NRXN1: variants seen among roughly 807,000 people sequenced by gnomAD.
The protein encoded by NRXN1 is neurexin-1.
In NRXN1, 39 loss-of-function variants were observed where a neutral mutation model predicts 150.9. That is an observed-to-expected ratio of 0.26 (90% CI 0.20 to 0.34). NRXN1 has a LOEUF of 0.34. Among genes scored for constraint, NRXN1 ranks in the 10% least tolerant of loss-of-function variants. The pLI is 1.00. For synonymous variants in NRXN1, 924 were observed against 757.0 expected, an observed-to-expected ratio of 1.22 and a Z score of -3.62; for missense variants, 1,815 against 1,949.9, an observed-to-expected ratio of 0.93 and a Z score of 1.30.
At chr2:50,059,811 T>C (rs1694227176) in intron 19 of NRXN1, among the ~76,000 whole-genome samples, 1 of 152,158 alleles carries the variant, frequency 6.6e-6, no homozygotes, top group Non-Finnish European at 1.5e-5. Flanking sequence ...TTACATGTAG[T>C]GTTGAGCCCG....
At chr2:50,741,668 A>C (rs1699444483) in intron 5 of NRXN1, among the ~76,000 whole-genome samples, 1 of 152,128 alleles carries the variant, frequency 6.6e-6, no homozygotes, top group Admixed American at 6.6e-5. Flanking sequence ...TTTGTGCCTC[A>C]GTTTATGAGG....
At chr2:50,611,011 G>A (rs369298649) in intron 8 of NRXN1, among the ~76,000 whole-genome samples, 1 of 149,492 alleles carries the variant, frequency 6.7e-6, no homozygotes, top group Non-Finnish European at 1.5e-5. Flanking sequence ...CTCCTGCAGT[G>A]CTGGGACTAC....
chr2:50,109,220 A>T (rs1367256068), intron 18 of NRXN1, among the ~76,000 whole-genome samples: 1 of 152,164 alleles, frequency 6.6e-6, no homozygotes, highest in Non-Finnish European at 1.5e-5. Context: ...AGAGTACTGC[A>T]ATTTTTGTCT....
chr2:50,346,369 A>G lies in NRXN1; in HGVS notation c.3365-109399T>C, dbSNP rs1349168093. ...CGGCGCCCCATCCGGCCACTGAGTGACCTTCTGGCAACTGACGCCCCCTTC... is the reference window on the plus strand; with the variant it reads ...CGGCGCCCCATCCGGCCACTGAGTGGCCTTCTGGCAACTGACGCCCCCTTC... On this transcript the variant is annotated intron_variant, in intron 17 of 22. Transcript: ENST00000401669. This position sits in a 1 kb window ranked among gnomAD's most constrained non-coding sequence, Gnocchi z 5.0. 2.6e-5 allele frequency among the ~76,000 whole-genome samples: 4 copies of G among 151,964 alleles called. No individual in the cohort carries two copies. The highest frequency in any genetic ancestry group is 2.6e-4 in the Admixed American group (4 of 15,276).
At chr2:50,964,512 A>G (rs1336396508) in intron 2 of NRXN1, among the ~76,000 whole-genome samples, 2 of 151,482 alleles carry the variant, frequency 1.3e-5, no homozygotes, top group East Asian at 1.9e-4. Flanking sequence ...AACGTGTCCT[A>G]TTATGAAAAT....
At chr2:50,533,624 T>C (rs761661842) in intron 10 of NRXN1, among the ~76,000 whole-genome samples, 10 of 152,146 alleles carry the variant, frequency 6.6e-5, no homozygotes, top group South Asian at 4.1e-4. Context: ...ACCACTGTAG[T>C]AGCTCCCTCA....
intron 18 of NRXN1, among the ~76,000 whole-genome samples, chr2:50,106,791 T>C (rs954778382): frequency 6.6e-6 from 1 of 151,996 alleles, no homozygotes; most frequent in Admixed American, 6.6e-5. Context: ...GAAAGATTTA[T>C]AAACTTAATC....
At chr2:50,952,097 G>C (rs568925954) in intron 2 of NRXN1, among the ~76,000 whole-genome samples, 2 of 149,702 alleles carry the variant, frequency 1.3e-5, no homozygotes, top group African/African-American at 4.9e-5. Context: ...CTCCCAAGTA[G>C]CTGGGACTAT....
chr2:49,991,687 A>G (rs765766138), intron 21 of NRXN1, among the ~76,000 whole-genome samples: 1 of 152,220 alleles, frequency 6.6e-6, no homozygotes, highest in Non-Finnish European at 1.5e-5. Flanking sequence ...TATAGCTTCA[A>G]TGCAATCCCA....
intron 18 of NRXN1, among the ~76,000 whole-genome samples, chr2:50,234,696 G>A (rs912575656): frequency 6.6e-6 from 1 of 152,012 alleles, no homozygotes; most frequent in Non-Finnish European, 1.5e-5. Context: ...GAGAAGCCCA[G>A]GAGGACACGG....
At chr2:50,084,653 C>T (rs890353013) in intron 19 of NRXN1, among the ~76,000 whole-genome samples, 3 of 152,168 alleles carry the variant, frequency 2.0e-5, no homozygotes, top group Non-Finnish European at 4.4e-5. Context: ...GAAGGGGCTC[C>T]CACAGTGCAG....
At chr2:49,992,052 A>G (rs917317918) in intron 21 of NRXN1, among the ~76,000 whole-genome samples, 8 of 152,314 alleles carry the variant, frequency 5.3e-5, no homozygotes, top group African/African-American at 1.9e-4. Context: ...TAATTTAGAG[A>G]CAGACAATTG....
intron 5 of NRXN1, among the ~76,000 whole-genome samples, chr2:50,717,271 T>C (rs1296405218): frequency 6.6e-6 from 1 of 152,132 alleles, no homozygotes; most frequent in Non-Finnish European, 1.5e-5. Context: ...CTACATCAAA[T>C]TCTAATTATC....
intron 17 of NRXN1, among the ~76,000 whole-genome samples, chr2:50,283,091 T>C (rs1042367725): frequency 1.3e-5 from 2 of 152,192 alleles, no homozygotes; most frequent in Non-Finnish European, 2.9e-5. Flanking sequence ...GCCTTCTTCA[T>C]TGTTGATTGT....
chr2:50,434,753 A>G (rs1337493196), intron 17 of NRXN1, among the ~76,000 whole-genome samples: 4 of 152,194 alleles, frequency 2.6e-5, no homozygotes, highest in Admixed American at 6.5e-5. Flanking sequence ...TTTATTGTCT[A>G]TCTTGGACTG....
intron 15 of NRXN1, among the ~76,000 whole-genome samples, chr2:50,493,105 AT>A (rs1201710434): frequency 6.6e-6 from 1 of 152,184 alleles, no homozygotes; most frequent in African/African-American, 2.4e-5. Context: ...TGGAGAGTAA[AT>A]CTGATGTTTT....
intron 5 of NRXN1, among the ~76,000 whole-genome samples, chr2:50,752,766 G>C (rs1700747043): frequency 6.6e-6 from 1 of 151,304 alleles, no homozygotes; most frequent in Non-Finnish European, 1.5e-5. Flanking sequence ...CCAGAATCCA[G>C]AGGCATTGAA....
At chr2:50,715,074 T>G (rs1695695865) in intron 5 of NRXN1, among the ~76,000 whole-genome samples, 1 of 152,260 alleles carries the variant, frequency 6.6e-6, no homozygotes, top group South Asian at 2.1e-4. Flanking sequence ...AATAAGCCAT[T>G]ATTCTATGGA....
chr2:50,008,413 G>A (rs1459676744), intron 21 of NRXN1, among the ~76,000 whole-genome samples: 1 of 151,828 alleles, frequency 6.6e-6, no homozygotes, highest in Non-Finnish European at 1.5e-5. Context: ...AAGCTTGGCA[G>A]TCAGGAACTA....
Sources: allele counts gnomAD v4.1 joint callset (sites outside exome capture counted in the v4.1 genomes callset), GRCh38; gene constraint gnomAD v4.1.1; non-coding constraint Gnocchi (gnomAD v3.1); transcripts MANE v1.5; gene names NCBI Gene and HGNC (gene_info 2026-07-23, HGNC 2026-07-21).